Variants in FRMD5 observed in about 807,000 individuals in gnomAD.
FRMD5 encodes the protein FERM domain containing 5.
In FRMD5, 20 loss-of-function variants were observed where a neutral mutation model predicts 69.0. The observed-to-expected ratio is 0.29, with a 90% CI of 0.20 to 0.42. FRMD5 has a LOEUF of 0.42. Among genes scored for constraint, FRMD5 ranks in the 10% least tolerant of loss-of-function variants. The probability of loss-of-function intolerance (pLI) is 1.00; values close to 1 mark genes in which losing one functional copy is unlikely to be tolerated. For missense variants in FRMD5, 595 were observed against 708.6 expected (o/e 0.84, Z 1.82); for synonymous variants, 271 against 260.1 (o/e 1.04, Z -0.40).
chr15:43,932,990 T>A (rs917670604), intron 1 of FRMD5, among the ~76,000 whole-genome samples: 2 of 152,188 alleles, frequency 1.3e-5, no homozygotes, highest in African/African-American at 4.8e-5. Flanking sequence ...GAAGAAGAGT[T>A]CCATGGTCTG....
intron 1 of FRMD5, among the ~76,000 whole-genome samples, chr15:43,982,499 C>T (rs946574798): frequency 2.2e-4 from 34 of 152,206 alleles, no homozygotes; most frequent in Non-Finnish European, 2.4e-4. Flanking sequence ...TGATCATAAA[C>T]TCAACTGCAT....
intron 1 of FRMD5, among the ~76,000 whole-genome samples, chr15:43,947,478 G>A (rs1245031839): frequency 6.6e-6 from 1 of 152,110 alleles, no homozygotes; most frequent in Non-Finnish European, 1.5e-5. Context: ...ATTTACAAAA[G>A]AAAATCCATT....
intron 1 of FRMD5, among the ~76,000 whole-genome samples, chr15:44,169,229 C>G (rs1267352114): frequency 6.6e-6 from 1 of 152,100 alleles, no homozygotes; most frequent in Non-Finnish European, 1.5e-5. Flanking sequence ...GCCTTTTCTT[C>G]TCACCTTGCA....
chr15:43,932,717 G>C (rs2089695903), intron 1 of FRMD5, among the ~76,000 whole-genome samples: 1 of 152,138 alleles, frequency 6.6e-6, no homozygotes, highest in African/African-American at 2.4e-5. Flanking sequence ...TAAACCTATG[G>C]GAGCTACCTG....
Position 44,195,114 on chromosome 15 carries a change from C to T in FRMD5, c.-60G>A, listed in dbSNP as rs930762730. 9.3e-6 allele frequency: 13 copies of T among 1,390,888 alleles called. 1 individual carries two copies. The Admixed American group carries it at 2.5e-4, about 27-fold the overall frequency. The allele number at this position is 1,390,888 out of a possible 1,614,324, so 86.2% of individuals were successfully genotyped here. On this transcript the variant is annotated 5_prime_UTR_variant, in exon 1 of 14. Coordinates refer to ENST00000417257, the MANE Select transcript of FRMD5 (RefSeq NM_032892.5). ...CGCTGCGGACCCTGGACCAGGCGTC[C>T]CTCAGCCCGGCAGCTCCGCACCGAC... is the stretch of plus-strand genomic sequence containing the variant.
intron 1 of FRMD5, among the ~76,000 whole-genome samples, chr15:44,100,974 C>T (rs1287227968): frequency 6.6e-6 from 1 of 151,926 alleles, no homozygotes; most frequent in East Asian, 1.9e-4. Flanking sequence ...CATGGTAAAA[C>T]CCTGTCCCTA....
intron 1 of FRMD5, among the ~76,000 whole-genome samples, chr15:43,940,673 C>T (rs2089846599): frequency 6.6e-6 from 1 of 152,110 alleles, no homozygotes; most frequent in Non-Finnish European, 1.5e-5. Flanking sequence ...TGTAACAATA[C>T]AGGTGAGCTA....
intron 1 of FRMD5, among the ~76,000 whole-genome samples, chr15:43,952,002 G>GTC (rs1275487921): frequency 3.6e-4 from 10 of 27,458 alleles, no homozygotes; most frequent in Admixed American, 6.1e-4. Context: ...GTGTGTGTCT[G>GTC]TGTGTGTGTG....
intron 1 of FRMD5, among the ~76,000 whole-genome samples, chr15:44,013,673 A>G (rs1473357767): frequency 6.6e-6 from 1 of 152,170 alleles, no homozygotes; most frequent in Non-Finnish European, 1.5e-5. Flanking sequence ...CCTATGGTTC[A>G]TTCTCTAATT....
chr15:44,007,567 A>G (rs979819548), intron 1 of FRMD5, among the ~76,000 whole-genome samples: 1 of 151,948 alleles, frequency 6.6e-6, no homozygotes, highest in Non-Finnish European at 1.5e-5. Context: ...CCTAGTATCT[A>G]CAAGGCCAGA....
chr15:44,087,113 G>C (rs949493148), intron 1 of FRMD5, among the ~76,000 whole-genome samples: 1 of 152,154 alleles, frequency 6.6e-6, no homozygotes, highest in African/African-American at 2.4e-5. Context: ...TCGTCTCCCA[G>C]GTTCAAGCAA....
chr15:44,070,057 T>C (rs1893472582), intron 1 of FRMD5, among the ~76,000 whole-genome samples: 1 of 152,180 alleles, frequency 6.6e-6, no homozygotes, highest in South Asian at 2.1e-4. Flanking sequence ...AATTTAATAT[T>C]ACTTCTACCA....
intron 1 of FRMD5, among the ~76,000 whole-genome samples, chr15:44,030,258 T>C (rs1011222809): frequency 4.6e-5 from 7 of 152,028 alleles, no homozygotes; most frequent in African/African-American, 1.7e-4. Flanking sequence ...GGAGGGGAAA[T>C]TGGTGCTCTA....
At chr15:44,121,948 T>C (rs975605475) in intron 1 of FRMD5, among the ~76,000 whole-genome samples, 1 of 141,382 alleles carries the variant, frequency 7.1e-6, no homozygotes, top group Non-Finnish European at 1.5e-5. Context: ...TGAGCCAAGA[T>C]TGCACCACTG....
intron 13 of FRMD5, chr15:43,876,064 C>T: frequency 3.1e-6 from 4 of 1,272,568 alleles, no homozygotes; most frequent in Non-Finnish European, 4.6e-6. Context: ...AATCTCATCC[C>T]AGACTTTAAC....
At chr15:44,087,797 TGAA>T (rs150037743) in intron 1 of FRMD5, among the ~76,000 whole-genome samples, 5,054 of 151,204 alleles carry the variant, frequency 0.033, 249 homozygotes, top group African/African-American at 0.11. Context: ...TCCCAGGCAT[TGAA>T]GAAGGAGTAA....
At chr15:44,194,700 G>A (rs1000199198) in intron 1 of FRMD5, 9 of 547,310 alleles carry the variant, frequency 1.6e-5, no homozygotes, top group Non-Finnish European at 2.6e-5. Context: ...CACCCAGGGA[G>A]AGCAGGGTAG....
chr15:44,138,507 T>C (rs776551662), intron 1 of FRMD5, among the ~76,000 whole-genome samples: 28 of 152,146 alleles, frequency 1.8e-4, no homozygotes, highest in Admixed American at 1.4e-3. Context: ...GTTTAAAATG[T>C]TAGGAGAAAA....
At chr15:44,038,391 C>T (rs896252780) in intron 1 of FRMD5, among the ~76,000 whole-genome samples, 1 of 151,872 alleles carries the variant, frequency 6.6e-6, no homozygotes, top group Non-Finnish European at 1.5e-5. Context: ...ATGGTATTGC[C>T]TAGGTTTTCT....
Sources: allele counts gnomAD v4.1 joint callset (sites outside exome capture counted in the v4.1 genomes callset), GRCh38; gene constraint gnomAD v4.1.1; transcripts MANE v1.5; gene names NCBI Gene and HGNC (gene_info 2026-07-23, HGNC 2026-07-21).